MED13L: variants seen among roughly 807,000 people sequenced by gnomAD.
MED13L encodes the protein mediator of RNA polymerase II transcription subunit 13-like.
A neutral mutation model predicts 220.9 loss-of-function variants in MED13L; 7 were observed. The ratio of observed to expected loss-of-function variants is 0.03; its 90% CI spans 0.02 to 0.06. The LOEUF is 0.06. Among genes scored for constraint, MED13L ranks in the 10% least tolerant of loss-of-function variants. The pLI, the probability that MED13L is intolerant of heterozygous loss-of-function variation, is 1.00. For synonymous variants in MED13L, 1,011 were observed against 1,015.2 expected, an observed-to-expected ratio of 1.00 and a Z score of 0.08; for missense variants, 1,965 against 2,760.5, an observed-to-expected ratio of 0.71 and a Z score of 6.46.
At chr12:115,978,020 G>C (rs1877060385) in intron 23 of MED13L, among the ~76,000 whole-genome samples, 1 of 151,838 alleles carries the variant, frequency 6.6e-6, no homozygotes, top group Admixed American at 6.6e-5. Flanking sequence ...AAAAATTGGG[G>C]GGAAGACTGC....
At chr12:116,203,623 C>T (rs921628001) in intron 2 of MED13L, among the ~76,000 whole-genome samples, 1 of 151,898 alleles carries the variant, frequency 6.6e-6, no homozygotes, top group Non-Finnish European at 1.5e-5. Flanking sequence ...AGTTCGAGAC[C>T]AGCCTGGCCA....
At chr12:116,153,692 A>G (rs1379157752) in intron 2 of MED13L, among the ~76,000 whole-genome samples, 1 of 152,170 alleles carries the variant, frequency 6.6e-6, no homozygotes, top group Non-Finnish European at 1.5e-5. Flanking sequence ...AAATATATAC[A>G]CACTTGCTTC....
At chr12:116,159,655 T>C (rs1878712443) in intron 2 of MED13L, among the ~76,000 whole-genome samples, 1 of 152,190 alleles carries the variant, frequency 6.6e-6, no homozygotes, top group Admixed American at 6.5e-5. Context: ...TGTAAGCTGT[T>C]TGTCAAAATG....
intron 7 of MED13L, among the ~76,000 whole-genome samples, chr12:116,016,102 TTC>T (rs1187218852): frequency 2.0e-5 from 3 of 152,206 alleles, no homozygotes; most frequent in African/African-American, 7.2e-5. Context: ...CAGTATTAAA[TTC>T]TGATTGAATC....
At chr12:115,965,959 G>T in intron 29 of MED13L, 123 bp downstream of exon 29, 1 of 1,239,842 alleles carries the variant, frequency 8.1e-7, no homozygotes, top group Non-Finnish European at 1.2e-6. Flanking sequence ...AGTATAAGTA[G>T]ATACAAGAGA....
intron 2 of MED13L, among the ~76,000 whole-genome samples, chr12:116,129,612 G>A (rs1344593291): frequency 6.6e-6 from 1 of 151,176 alleles, no homozygotes; most frequent in African/African-American, 2.4e-5. Context: ...TCACAAGATA[G>A]AAATGATCAG....
intron 2 of MED13L, among the ~76,000 whole-genome samples, chr12:116,225,137 G>A (rs542188173): frequency 3.4e-4 from 52 of 152,348 alleles, no homozygotes; most frequent in Middle Eastern, 6.8e-3. Context: ...TCCCATTAAA[G>A]TGTTTTTGCT....
At chr12:116,021,560 A>G (rs1256251795) in intron 5 of MED13L, among the ~76,000 whole-genome samples, 1 of 152,178 alleles carries the variant, frequency 6.6e-6, no homozygotes, top group African/African-American at 2.4e-5. Flanking sequence ...AATAGTTTAT[A>G]GAAAACAAAA....
intron 2 of MED13L, among the ~76,000 whole-genome samples, chr12:116,214,511 C>T (rs897397849): frequency 6.6e-6 from 1 of 152,090 alleles, no homozygotes; most frequent in African/African-American, 2.4e-5. Flanking sequence ...CCTAATCAAA[C>T]ACAAAATCAA....
At position 115,984,221 on chromosome 12, in the gene MED13L, G is replaced by T. The variant is rs763779891; in HGVS notation, c.4490C>A (p.Ser1497Tyr). 6.2e-7 allele frequency: 1 copy of T among 1,613,910 alleles called. No homozygotes were observed. The highest frequency in any genetic ancestry group is 8.5e-7 in the Non-Finnish European group (1 of 1,179,946). Reference protein sequence around the residue: ...PWSGEENDNHSRLKLYAQVCR... With the variant: ...PWSGEENDNHYRLKLYAQVCR... ...AACTTGCGCATAAAGTTTGAGTCTG[G>T]AATGATTGTCATTCTCCTCGCCGCT... Residue 1497 changes from serine (S) to tyrosine (Y), a missense_variant, in exon 20 of 31, where the codon TCC (serine) becomes TAC (tyrosine). By Grantham distance (144) the Ser-to-Tyr change is moderately radical. Transcript: ENST00000281928.
At chr12:116,015,719 T>C (rs1378184044) in intron 7 of MED13L, among the ~76,000 whole-genome samples, 1 of 152,222 alleles carries the variant, frequency 6.6e-6, no homozygotes, top group Non-Finnish European at 1.5e-5. Flanking sequence ...TATACTCATG[T>C]AGCTAAATGG....
intron 25 of MED13L, 88 bp downstream of exon 25, chr12:115,975,083 T>A (rs1565987315): frequency 7.4e-7 from 1 of 1,345,250 alleles, no homozygotes; most frequent in Non-Finnish European, 1.1e-6. Flanking sequence ...CTTACAAATT[T>A]AAACATTTTC....
At chr12:116,260,137 C>T (rs1328021152) in intron 1 of MED13L, among the ~76,000 whole-genome samples, 1 of 152,120 alleles carries the variant, frequency 6.6e-6, no homozygotes, top group African/African-American at 2.4e-5. Flanking sequence ...TACTACCTCA[C>T]TTGGAGAGAA....
In MED13L at chr12:115,996,788, G is replaced by C. The variant is rs117489518; in HGVS notation, c.2791-107C>G. 634 of 1,118,440 alleles carry C rather than the reference G, an allele frequency of 5.7e-4. 3 individuals carry two copies. In the East Asian group the frequency reaches 0.015, roughly 27 times the overall value. The allele number at this position is 1,118,440 out of a possible 1,614,324, so 69.3% of individuals were successfully genotyped here. ...CAGCAACCAAAATGATCGTATTTCAGTATTTCTCTCCTATGATCATTAGAA... is the reference window on the plus strand; with the variant it reads ...CAGCAACCAAAATGATCGTATTTCACTATTTCTCTCCTATGATCATTAGAA... On this transcript the variant is annotated intron_variant, in intron 15 of 30. Transcript: ENST00000281928.
In MED13L at chr12:116,111,445, G is replaced by A. The variant is rs1874073810; in HGVS notation, c.378C>T (p.Ile126=). The A allele has an allele frequency of 1.2e-6, 2 of 1,611,376 alleles. No homozygotes were observed. The highest frequency in any genetic ancestry group is 8.5e-7 in the Non-Finnish European group (1 of 1,179,334). Reference sequence around the variant, plus strand: ...TCTCTTACCTTTCTAACAGATTGTGGATCGCTTTGAAGAGCAGCGTCCTAC... The same window carrying A: ...TCTCTTACCTTTCTAACAGATTGTGAATCGCTTTGAAGAGCAGCGTCCTAC... ...YECRTLLFKA[I]HNLLERCLMD... is the part of the protein sequence containing the mutation. The change falls in exon 3 of 31, where the codon ATC becomes ATT. Residue 126 remains isoleucine, a synonymous_variant. Transcript: ENST00000281928.
chr12:115,984,102 C>T, intron 20 of MED13L, 78 bp downstream of exon 20: 1 of 1,416,428 alleles, frequency 7.1e-7, no homozygotes. Flanking sequence ...TATAATGTTG[C>T]ATCTATAAAA....
intron 2 of MED13L, among the ~76,000 whole-genome samples, chr12:116,230,013 C>T (rs1342107811): frequency 1.3e-5 from 2 of 152,166 alleles, no homozygotes; most frequent in African/African-American, 2.4e-5. Context: ...GACCTAGCTG[C>T]CATTTATCAC....
intron 2 of MED13L, among the ~76,000 whole-genome samples, chr12:116,224,796 G>A (rs940836646): frequency 2.0e-5 from 3 of 152,122 alleles, no homozygotes; most frequent in African/African-American, 7.2e-5. Flanking sequence ...TCCCACATGA[G>A]CCTCCCAAGT....
chr12:116,227,572 C>A (rs900536644), intron 2 of MED13L, among the ~76,000 whole-genome samples: 1 of 152,098 alleles, frequency 6.6e-6, no homozygotes, highest in Admixed American at 6.6e-5. Context: ...GATCAGTGAT[C>A]TTTGATGTTA....
Sources: allele counts gnomAD v4.1 joint callset (sites outside exome capture counted in the v4.1 genomes callset), GRCh38; gene constraint gnomAD v4.1.1; transcripts MANE v1.5; gene names NCBI Gene and HGNC (gene_info 2026-07-23, HGNC 2026-07-21).